EML4: variants seen among roughly 807,000 people sequenced by gnomAD.
EML4 encodes EMAP like 4.
A neutral mutation model predicts 129.0 loss-of-function variants in EML4; 72 were observed. That is an observed-to-expected ratio of 0.56 (90% CI 0.46 to 0.68). EML4 has a LOEUF of 0.68. Ranked by LOEUF, EML4 falls within the 30% of genes least tolerant of loss-of-function variation. The probability of loss-of-function intolerance (pLI) is 0.00; values close to 1 mark genes in which losing one functional copy is unlikely to be tolerated. For synonymous variants in EML4, 532 were observed against 405.0 expected (o/e 1.31, Z -3.77); for missense variants, 1,363 against 1,190.6 (o/e 1.14, Z -2.13).
intron 1 of EML4, among the ~76,000 whole-genome samples, chr2:42,184,382 C>G (rs1232349601): frequency 9.6e-6 from 1 of 104,070 alleles, no homozygotes; most frequent in Non-Finnish European, 1.8e-5. Flanking sequence ...TATCCCTCCC[C>G]CCTCCCCCCA....
At position 42,325,035 on chromosome 2, in the gene EML4, C is replaced by G. The variant is rs556814568; in HGVS notation, c.2155-432C>G. On this transcript the variant is annotated intron_variant, in intron 19 of 22. Transcript: ENST00000318522. ...GTATTCCTCAGCTTCTGAGTTGTAC[C>G]ATGGATAATTCAGAAGTAGCCCAGG... Among the ~76,000 whole-genome samples the G allele has an allele frequency of 5.5e-4, 84 of 152,226 alleles. 1 individual carries two copies. In the South Asian group the frequency reaches 7.5e-3, roughly 14 times the overall value.
rs148613740 is a variant in EML4 at position 42,243,707 on chromosome 2, A to C, written c.26-1798A>C. 6.2e-3 allele frequency among the ~76,000 whole-genome samples: 943 copies of C among 152,354 alleles called. 2 individuals carry two copies. Among genetic ancestry groups the C allele is most frequent in the Middle Eastern group, 0.017 (5 of 294 alleles). ...TACCAGTAAAGACAGAAGAGAGTAC[A>C]TGTGTATGCATGGGAGGTCTGGTGG... On this transcript the variant is annotated intron_variant, in intron 1 of 22. Transcript: ENST00000318522.
intron 1 of EML4, 105 bp from the exon 2 acceptor site, chr2:42,245,400 T>A (rs1011918829): frequency 8.7e-7 from 1 of 1,146,088 alleles, no homozygotes; most frequent in Non-Finnish European, 1.2e-6. Flanking sequence ...CTAGCCAGAA[T>A]TTTTCTCATC....
chr2:42,330,385 T>C lies in EML4; in HGVS notation c.*178T>C, dbSNP rs1670043597. The C allele has an allele frequency of 1.4e-6, 1 of 690,376 alleles. No homozygotes were observed. The highest frequency in any genetic ancestry group is 1.8e-5 in the African/African-American group (1 of 56,584). The allele number at this position is 690,376 out of a possible 1,614,324, so 42.8% of individuals were successfully genotyped here. ...CTCAAATACAGCCAACTTAAAGTTT[T>C]AGTTTGGTGTTTATTGAAAATTAAC... On this transcript the variant is annotated 3_prime_UTR_variant, in exon 23 of 23. Coordinates refer to ENST00000318522, the MANE Select transcript of EML4 (RefSeq NM_019063.5).
At chr2:42,191,856 A>G (rs1394961508) in intron 1 of EML4, among the ~76,000 whole-genome samples, 1 of 151,872 alleles carries the variant, frequency 6.6e-6, no homozygotes, top group Non-Finnish European at 1.5e-5. Flanking sequence ...GGTCAATAAG[A>G]AACCTGGCCG....
intron 1 of EML4, among the ~76,000 whole-genome samples, chr2:42,211,431 A>G (rs1672879786): frequency 6.6e-6 from 1 of 152,238 alleles, no homozygotes; most frequent in Admixed American, 6.5e-5. Context: ...CTGATTGAAC[A>G]TTATCTACAG....
chr2:42,284,264 C>T (rs929473393), intron 8 of EML4, among the ~76,000 whole-genome samples: 1 of 152,154 alleles, frequency 6.6e-6, no homozygotes, highest in Non-Finnish European at 1.5e-5. Context: ...AATGCTTGTA[C>T]TTTAATAGAT....
chr2:42,225,740 ATGTCT>A (rs945263663), intron 1 of EML4, among the ~76,000 whole-genome samples: 2 of 152,044 alleles, frequency 1.3e-5, no homozygotes, highest in African/African-American at 4.8e-5. Flanking sequence ...TTGCCTAGTC[ATGTCT>A]TTTTTGCATT....
At chr2:42,230,773 TAGAA>T (rs1011234617) in intron 1 of EML4, among the ~76,000 whole-genome samples, 1 of 152,218 alleles carries the variant, frequency 6.6e-6, no homozygotes, top group African/African-American at 2.4e-5. Flanking sequence ...AAAAATTAGG[TAGAA>T]AGACAAATAT....
At chr2:42,268,808 C>G (rs1295689608) in intron 6 of EML4, among the ~76,000 whole-genome samples, 2 of 152,128 alleles carry the variant, frequency 1.3e-5, no homozygotes, top group Non-Finnish European at 2.9e-5. Flanking sequence ...TGAATGTCCT[C>G]AAAATGTTTT....
At chr2:42,290,718 C>G (rs1414529454) in intron 11 of EML4, among the ~76,000 whole-genome samples, 2 of 151,984 alleles carry the variant, frequency 1.3e-5, no homozygotes, top group Admixed American at 6.6e-5. Context: ...GGGAACAGAG[C>G]GAGACCCTGT....
At chr2:42,210,191 G>GT (rs1407979258) in intron 1 of EML4, among the ~76,000 whole-genome samples, 1 of 152,114 alleles carries the variant, frequency 6.6e-6, no homozygotes, top group Admixed American at 6.5e-5. Context: ...GTCCCATCCA[G>GT]TTGTCATATC....
intron 1 of EML4, among the ~76,000 whole-genome samples, chr2:42,209,137 A>G (rs1159896042): frequency 6.6e-6 from 1 of 152,208 alleles, no homozygotes; most frequent in Admixed American, 6.5e-5. Flanking sequence ...TTAAAAAATC[A>G]CTAATATGAT....
At chr2:42,263,760 T>G (rs550373717) in intron 5 of EML4, among the ~76,000 whole-genome samples, 2 of 151,506 alleles carry the variant, frequency 1.3e-5, no homozygotes, top group Non-Finnish European at 2.9e-5. Context: ...TTATGGAGTC[T>G]CACTCTGTTG....
chr2:42,237,527 C>G (rs774529300), intron 1 of EML4, among the ~76,000 whole-genome samples: 3 of 152,000 alleles, frequency 2.0e-5, no homozygotes, highest in Admixed American at 6.5e-5. Context: ...ATGGTTCACC[C>G]TTGAATAACA....
rs561542506 is a variant in EML4, at chr2:42,303,794, G to T, written c.1899+348G>T. On this transcript the variant is annotated intron_variant, in intron 16 of 22. Transcript: ENST00000318522. ...CAAAAAATTAGCCAGGCGTGGTGGT[G>T]GGCGCCTGTAGTCCCAGCTACTCGA... Among the ~76,000 whole-genome samples the T allele has an allele frequency of 9.2e-4, 140 of 152,220 alleles. 1 individual carries two copies. Among genetic ancestry groups the T allele is most frequent in the African/African-American group, 3.1e-3 (127 of 41,542 alleles).
At chr2:42,234,766 A>G (rs1356344604) in intron 1 of EML4, among the ~76,000 whole-genome samples, 1 of 152,246 alleles carries the variant, frequency 6.6e-6, no homozygotes, top group Non-Finnish European at 1.5e-5. Flanking sequence ...TTAATGGAAA[A>G]TAATTTAAAA....
chr2:42,308,345 G>C (rs1017528303), intron 17 of EML4, among the ~76,000 whole-genome samples: 12 of 151,884 alleles, frequency 7.9e-5, no homozygotes, highest in African/African-American at 2.4e-4. Flanking sequence ...GTCTTTACAA[G>C]AAAAATTTTA....
At chr2:42,255,049 G>A (rs1676034983) in intron 2 of EML4, among the ~76,000 whole-genome samples, 1 of 151,894 alleles carries the variant, frequency 6.6e-6, no homozygotes, top group Non-Finnish European at 1.5e-5. Context: ...AGGGTACAGG[G>A]AGTGACTGCT....
Sources: allele counts gnomAD v4.1 joint callset (sites outside exome capture counted in the v4.1 genomes callset), GRCh38; gene constraint gnomAD v4.1.1; transcripts MANE v1.5; gene names NCBI Gene and HGNC (gene_info 2026-07-23, HGNC 2026-07-21).